Variants in ZAP70 observed in about 807,000 individuals in gnomAD.
The protein encoded by ZAP70 is zeta chain of T cell receptor associated protein kinase 70.
A neutral mutation model predicts 65.8 loss-of-function variants in ZAP70; 27 were observed. That is an observed-to-expected ratio of 0.41 (90% CI 0.30 to 0.57). ZAP70 has a LOEUF of 0.57. ZAP70 is among the 20% of genes least tolerant of loss of function. The pLI is 0.28. For missense variants in ZAP70, 696 were observed against 870.5 expected (o/e 0.80, Z 2.52); for synonymous variants, 363 against 360.8 (o/e 1.01, Z -0.07).
chr2:97,729,037 G>A (rs1424819533), intron 4 of ZAP70, among the ~76,000 whole-genome samples: 1 of 152,232 alleles, frequency 6.6e-6, no homozygotes. Context: ...ACAGGCGTGA[G>A]CCACCGCGCC....
At chr2:97,754,257 T>C in the ZAP70 span, among the ~76,000 whole-genome samples, 2 of 152,138 alleles carry the variant, frequency 1.3e-5, no homozygotes, top group African/African-American at 2.4e-5. Flanking sequence ...CTCTCAAGCC[T>C]GCTGGCGAGG....
intron 4 of ZAP70, chr2:97,732,656 C>T (rs770996388): frequency 3.0e-5 from 19 of 631,080 alleles, no homozygotes; most frequent in Non-Finnish European, 4.9e-5. Context: ...GAGAACAGTG[C>T]ATTTTCCTGG....
the ZAP70 span, among the ~76,000 whole-genome samples, chr2:97,750,381 G>T: frequency 6.6e-6 from 1 of 152,192 alleles, no homozygotes; most frequent in East Asian, 1.9e-4. Flanking sequence ...TGGGGGGTGG[G>T]TCTATGGAGT....
At chr2:97,742,305 T>A (rs928612005), downstream of ZAP70, among the ~76,000 whole-genome samples, 1 of 152,258 alleles carries the variant, frequency 6.6e-6, no homozygotes, top group African/African-American at 2.4e-5. Flanking sequence ...GGGAAAAATA[T>A]CTTATTGTGT....
chr2:97,722,377 G>A (rs956355552), intron 2 of ZAP70, among the ~76,000 whole-genome samples: 4 of 152,192 alleles, frequency 2.6e-5, no homozygotes, highest in African/African-American at 7.2e-5. Context: ...CGTTGCACTC[G>A]GCCTCACATA....
the ZAP70 span, among the ~76,000 whole-genome samples, chr2:97,754,846 C>CT: frequency 6.6e-6 from 1 of 152,366 alleles, no homozygotes; most frequent in African/African-American, 2.4e-5. Flanking sequence ...GGAAACCCTG[C>CT]TGCTAACATT....
chr2:97,739,239 C>A, intron 13 of ZAP70, 136 bp from the exon 14 acceptor site: 2 of 1,390,624 alleles, frequency 1.4e-6, no homozygotes, highest in South Asian at 2.8e-5. Flanking sequence ...ACCCAATGTC[C>A]CGCCACCCCA....
chr2:97,745,517 G>C, the ZAP70 span, among the ~76,000 whole-genome samples: 6 of 152,190 alleles, frequency 3.9e-5, no homozygotes, highest in African/African-American at 1.4e-4. Context: ...GACTCGAACA[G>C]ACATTTCTCC....
chr2:97,716,717 C>T (rs150927657), intron 2 of ZAP70, among the ~76,000 whole-genome samples: 16 of 152,010 alleles, frequency 1.1e-4, no homozygotes, highest in South Asian at 8.3e-4. Flanking sequence ...GAGTGAGTGG[C>T]GGGGGGTGGT....
rs533649073 is a variant in ZAP70 at position 97,735,016 on chromosome 2, C to A, written c.1083-234C>A. On this transcript the variant is annotated intron_variant, in intron 9 of 13. Transcript: ENST00000264972. Reference sequence around the variant, plus strand: ...GACAGGCTGCCCCTGGGGAGGGTGTCACTTTGGATTCTTTTTGGCGATGGG... The same window carrying A: ...GACAGGCTGCCCCTGGGGAGGGTGTAACTTTGGATTCTTTTTGGCGATGGG... 22 of 654,048 alleles carry A rather than the reference C, an allele frequency of 3.4e-5. No homozygotes were observed. In the African/African-American group the frequency reaches 4.0e-4, roughly 12 times the overall value. The allele number at this position is 654,048 out of a possible 1,614,324, so 40.5% of individuals were successfully genotyped here.
At chr2:97,753,689 T>C in the ZAP70 span, among the ~76,000 whole-genome samples, 1 of 152,176 alleles carries the variant, frequency 6.6e-6, no homozygotes, top group Non-Finnish European at 1.5e-5. Context: ...ACATATAAGA[T>C]ACCTGGGCAT....
chr2:97,714,156 A>T (rs1041792215), intron 2 of ZAP70, among the ~76,000 whole-genome samples, 162 bp downstream of exon 2: 1 of 152,174 alleles, frequency 6.6e-6, no homozygotes, highest in Non-Finnish European at 1.5e-5. Flanking sequence ...ATGGAGGCAG[A>T]CGGGGCTTGT....
chr2:97,714,522 C>G (rs1676833286), intron 2 of ZAP70, among the ~76,000 whole-genome samples: 1 of 152,166 alleles, frequency 6.6e-6, no homozygotes, highest in Non-Finnish European at 1.5e-5. Context: ...GTTGCTTGGC[C>G]TCTCTGACCT....
Position 97,733,547 on chromosome 2 carries a change from CAG to C in ZAP70, c.845_846del (p.Arg282ThrfsTer13), listed in dbSNP as rs1677710690. 1.9e-6 allele frequency: 3 copies of C among 1,613,676 alleles called. No homozygotes were observed. The highest frequency in any genetic ancestry group is 2.5e-6 in the Non-Finnish European group (3 of 1,179,982). The stretch of plus-strand genomic sequence containing the variant: ...TTGCTGACCCTGTGGCCTTTAGCCT[CAG>C]AGACGAATCGACACCCTCAACTCAG... The part of the protein sequence containing the change: ...PAHPSTLTHP[Q>X]RRIDTLNSDG... On this transcript the variant is annotated frameshift_variant, in exon 8 of 14. Transcript: ENST00000264972. LOFTEE classifies it high-confidence loss of function.
chr2:97,732,003 T>C (rs1420301784), intron 4 of ZAP70, among the ~76,000 whole-genome samples: 2 of 152,146 alleles, frequency 1.3e-5, no homozygotes, highest in Non-Finnish European at 2.9e-5. Flanking sequence ...GGATGCTGAC[T>C]GGTGTCACTG....
chr2:97,724,909 C>G (rs1252779230), intron 3 of ZAP70, 183 bp from the exon 4 acceptor site: 1 of 1,533,820 alleles, frequency 6.5e-7, no homozygotes, highest in Non-Finnish European at 8.7e-7. Flanking sequence ...GGTGGTTCCT[C>G]CCTAGCTGGA....
rs200439854 is a variant in ZAP70, at chr2:97,737,688, C to G, written c.1482+23C>G. Reference sequence around the variant, plus strand: ...ACTGTAAGCCTCTGCCCCTGTGATGCCCGACTGGATGGGCTGGGTGGGTAG... The same window carrying G: ...ACTGTAAGCCTCTGCCCCTGTGATGGCCGACTGGATGGGCTGGGTGGGTAG... On this transcript the variant is annotated intron_variant, in intron 11 of 13. Transcript: ENST00000264972. The surrounding 1 kb of genome is among the most constrained non-coding windows in gnomAD (Gnocchi z 5.0). 499 of 1,614,028 alleles carry G rather than the reference C, an allele frequency of 3.1e-4. No individual in the cohort carries two copies. The highest frequency in any genetic ancestry group is 4.0e-4 in the Non-Finnish European group (476 of 1,179,994).
chr2:97,718,483 C>T (rs1350033622), intron 2 of ZAP70, among the ~76,000 whole-genome samples: 2 of 152,154 alleles, frequency 1.3e-5, no homozygotes, highest in African/African-American at 4.8e-5. Context: ...TCCAGAAAGG[C>T]CCCAGGGGTG....
rs1428277313 is a variant in ZAP70, at chr2:97,737,452, C to T, written c.1290-21C>T. ...TTGGCTAGTCTTCTCCCAGCTGACC[C>T]CGCCTTCCCCGCCACCCCAGGGAGG... On this transcript the variant is annotated intron_variant, in intron 10 of 13. Coordinates refer to ENST00000264972, the MANE Select transcript of ZAP70 (RefSeq NM_001079.4). This position sits in a 1 kb window ranked among gnomAD's most constrained non-coding sequence, Gnocchi z 5.0. The T allele has an allele frequency of 1.2e-6, 2 of 1,613,756 alleles. No individual in the cohort carries two copies. The highest frequency in any genetic ancestry group is 1.1e-5 in the South Asian group (1 of 91,078).
Sources: gnomAD v4.1 joint callset for allele counts (sites outside exome capture counted in the v4.1 genomes callset) on GRCh38, gnomAD v4.1.1 for gene constraint, Gnocchi (gnomAD v3.1) non-coding constraint, MANE v1.5 for transcripts, NCBI Gene and HGNC (gene_info 2026-07-23, HGNC 2026-07-21) for gene names.